LIMCH1: variants seen among roughly 807,000 people sequenced by gnomAD.
LIMCH1 encodes LIM and calponin homology domains-containing protein 1.
LIMCH1 carries 113 observed loss-of-function variants against 176.5 expected under a neutral mutation model. The observed-to-expected ratio is 0.64, with a 90% CI of 0.55 to 0.75. The LOEUF (loss-of-function observed/expected upper bound fraction) is 0.75, where lower values mean the gene tolerates loss of function less well. Ranked by LOEUF, LIMCH1 falls within the 30% of genes least tolerant of loss-of-function variation. LIMCH1 has a pLI of 0.00. For missense variants in LIMCH1, 1,674 were observed against 1,814.9 expected, an observed-to-expected ratio of 0.92 and a Z score of 1.41; for synonymous variants, 619 against 645.9, an observed-to-expected ratio of 0.96 and a Z score of 0.63.
intron 1 of LIMCH1, among the ~76,000 whole-genome samples, chr4:41,440,958 T>C (rs1302061522): frequency 6.6e-6 from 1 of 152,192 alleles, no homozygotes; most frequent in East Asian, 1.9e-4. Context: ...AATAAGAAGT[T>C]TGGTCTTAAG....
chr4:41,443,144 T>G (rs7697365), intron 1 of LIMCH1, among the ~76,000 whole-genome samples: 22,223 of 151,864 alleles, frequency 0.15, 1,829 homozygotes, highest in Admixed American at 0.22. Context: ...CTTCATGTCT[T>G]ATGCTCCAAG....
chr4:41,475,286 T>A (rs2067561873), intron 1 of LIMCH1, among the ~76,000 whole-genome samples: 1 of 152,240 alleles, frequency 6.6e-6, no homozygotes. Flanking sequence ...TTTCAATCAT[T>A]ATTTGATAAA....
chr4:41,361,003 G>C, intron 1 of LIMCH1: 1 of 1,213,000 alleles, frequency 8.2e-7, no homozygotes, highest in Non-Finnish European at 1.1e-6. Context: ...CGCACGCTCC[G>C]ACCGCAGGTC....
chr4:41,505,716 T>C (rs2074059819), intron 2 of LIMCH1, among the ~76,000 whole-genome samples: 1 of 152,134 alleles, frequency 6.6e-6, no homozygotes, highest in African/African-American at 2.4e-5. Context: ...GTCCCATCTT[T>C]GTACCGGATT....
chr4:41,506,343 A>G (rs1437221552), intron 2 of LIMCH1, among the ~76,000 whole-genome samples: 1 of 152,186 alleles, frequency 6.6e-6, no homozygotes, highest in Non-Finnish European at 1.5e-5. Flanking sequence ...GTGGTGTGTC[A>G]CGGATGTGTC....
chr4:41,498,875 C>T (rs1212692255), intron 2 of LIMCH1, among the ~76,000 whole-genome samples: 4 of 142,842 alleles, frequency 2.8e-5, no homozygotes, highest in Non-Finnish European at 6.2e-5. Flanking sequence ...GGCCCTTGGC[C>T]TTTTTTTTTT....
At chr4:41,692,569 T>C (rs1055195184) in intron 31 of LIMCH1, 185 bp downstream of exon 31, 2 of 536,192 alleles carry the variant, frequency 3.7e-6, no homozygotes, top group Non-Finnish European at 6.7e-6. Flanking sequence ...AAGTTATTGC[T>C]ACAATGTGGA....
chr4:41,436,446 T>C (rs747930491), intron 1 of LIMCH1, among the ~76,000 whole-genome samples: 6 of 152,192 alleles, frequency 3.9e-5, no homozygotes, highest in Non-Finnish European at 7.4e-5. Flanking sequence ...AATGTCCATA[T>C]GTTGGGGACA....
At chr4:41,490,469 G>T (rs1342103266) in intron 1 of LIMCH1, among the ~76,000 whole-genome samples, 4 of 152,088 alleles carry the variant, frequency 2.6e-5, no homozygotes, top group Admixed American at 2.6e-4. Flanking sequence ...AGGTTAGGGA[G>T]TGGTGATGAC....
intron 1 of LIMCH1, among the ~76,000 whole-genome samples, chr4:41,490,915 C>T (rs190543769): frequency 0.065 from 9,043 of 138,990 alleles, 272 homozygotes; most frequent in Middle Eastern, 0.074. Context: ...CAGGCAGAGG[C>T]GCTCCTCACT....
intron 1 of LIMCH1, 145 bp downstream of exon 1, chr4:41,538,495 C>A: frequency 3.5e-6 from 1 of 281,880 alleles, no homozygotes; most frequent in Non-Finnish European, 5.3e-6. Flanking sequence ...ATGAAAATTA[C>A]TTTCCTGTGG....
At chr4:41,364,833 C>T (rs1294396695) in intron 1 of LIMCH1, among the ~76,000 whole-genome samples, 1 of 150,820 alleles carries the variant, frequency 6.6e-6, no homozygotes, top group African/African-American at 2.4e-5. Context: ...TCAACTCCTG[C>T]TAGGAATAAG....
At position 41,677,008 on chromosome 4, in the gene LIMCH1, C is replaced by T. The variant is rs553742024; in HGVS notation, c.3519+546C>T. Among the ~76,000 whole-genome samples the T allele has an allele frequency of 3.3e-5, 5 of 151,892 alleles. No individual in the cohort carries two copies. In the South Asian group the frequency reaches 1.0e-3, roughly 32 times the overall value. On this transcript the variant is annotated intron_variant, in intron 23 of 31. Transcript: ENST00000503057. Reference sequence around the variant, plus strand: ...CGAAACCCCGTCTCTACCAAAAATACAAAAATTAGCTGGGCATGGTGATGC... The same window carrying T: ...CGAAACCCCGTCTCTACCAAAAATATAAAAATTAGCTGGGCATGGTGATGC...
intron 7 of LIMCH1, among the ~76,000 whole-genome samples, chr4:41,624,168 A>G (rs2092781629): frequency 6.6e-6 from 1 of 152,068 alleles, no homozygotes; most frequent in Non-Finnish European, 1.5e-5. Context: ...TTTTGAACTG[A>G]ATTATAGGTT....
chr4:41,534,357 T>G (rs1159929236), upstream of LIMCH1, among the ~76,000 whole-genome samples: 1 of 152,188 alleles, frequency 6.6e-6, no homozygotes, highest in Non-Finnish European at 1.5e-5. Flanking sequence ...CATCTTTATT[T>G]CAGAGGTTAA....
upstream of LIMCH1, among the ~76,000 whole-genome samples, chr4:41,536,606 G>T (rs556262319): frequency 3.0e-4 from 46 of 152,012 alleles, no homozygotes; most frequent in Non-Finnish European, 5.9e-4. Context: ...TTTTCCCTCA[G>T]TGTTAAAAGA....
intron 1 of LIMCH1, among the ~76,000 whole-genome samples, chr4:41,377,756 G>C (rs1317798713): frequency 6.6e-6 from 1 of 152,230 alleles, no homozygotes; most frequent in Non-Finnish European, 1.5e-5. Context: ...AGAATCCCAA[G>C]ATGTTGCGGG....
intron 4 of LIMCH1, among the ~76,000 whole-genome samples, chr4:41,609,246 T>G (rs2152782197): frequency 6.6e-6 from 1 of 150,514 alleles, no homozygotes; most frequent in African/African-American, 2.4e-5. Flanking sequence ...CCTTATGTTT[T>G]TTTTTTTTTT....
chr4:41,621,600 C>A (rs996136719), intron 7 of LIMCH1, among the ~76,000 whole-genome samples: 1 of 151,854 alleles, frequency 6.6e-6, no homozygotes, highest in African/African-American at 2.4e-5. Context: ...TTCCCAGGTT[C>A]AAGCAATTCT....
Sources: gnomAD v4.1 joint callset for allele counts (sites outside exome capture counted in the v4.1 genomes callset) on GRCh38, gnomAD v4.1.1 for gene constraint, MANE v1.5 for transcripts, NCBI Gene and HGNC (gene_info 2026-07-23, HGNC 2026-07-21) for gene names.